The following RNF175 variants were observed in gnomAD, a reference collection of about 807,000 sequenced individuals.
RNF175 encodes the protein ring finger protein 175.
In RNF175, 38 loss-of-function variants were observed where a neutral mutation model predicts 50.0. The observed-to-expected ratio is 0.76, with a 90% confidence interval of 0.59 to 1.00. RNF175 has a LOEUF of 1.00. RNF175 is among the 50% of genes least tolerant of loss of function. The probability of loss-of-function intolerance (pLI) is 0.00; values close to 1 mark genes in which losing one functional copy is unlikely to be tolerated. For synonymous variants in RNF175, 155 were observed against 146.1 expected, an observed-to-expected ratio of 1.06 and a Z score of -0.44; for missense variants, 388 against 409.6, an observed-to-expected ratio of 0.95 and a Z score of 0.46.
intron 1 of RNF175, among the ~76,000 whole-genome samples, chr4:153,753,633 C>T (rs1438793951): frequency 2.0e-5 from 3 of 151,718 alleles, no homozygotes; most frequent in African/African-American, 7.3e-5. Context: ...TCTCAGCTCA[C>T]TGCAACCTCT....
intron 4 of RNF175, among the ~76,000 whole-genome samples, chr4:153,724,655 T>C (rs1738563255): frequency 6.6e-6 from 1 of 152,118 alleles, no homozygotes; most frequent in African/African-American, 2.4e-5. Flanking sequence ...AGATCTATGA[T>C]ATTACTAGCA....
chr4:153,726,969 A>G (rs1738735803), intron 4 of RNF175, among the ~76,000 whole-genome samples: 1 of 152,236 alleles, frequency 6.6e-6, no homozygotes, highest in Non-Finnish European at 1.5e-5. Flanking sequence ...GCATTTGGGT[A>G]TTTCTTGTAA....
chr4:153,720,221 G>A lies in RNF175; in HGVS notation c.593C>T (p.Ala198Val). 1 of 1,613,546 alleles carries A rather than the reference G, an allele frequency of 6.2e-7. No homozygotes were observed. The highest frequency in any genetic ancestry group is 8.5e-7 in the Non-Finnish European group (1 of 1,179,614). ...LYYGVMGRDF[A>V]EICSDYMAST... ...AGCCATGTAGTCTGAGCAGATCTCG[G>A]CAAAGTCTCTCCCCATTACTCCATA... The change falls in exon 6 of 9, where the codon GCC (alanine) becomes GTC (valine). Residue 198 changes from alanine (A) to valine (V), a missense_variant. Coordinates refer to ENST00000347063, the MANE Select transcript of RNF175 (RefSeq NM_173662.4).
At chr4:153,742,354 A>G (rs1430467205) in intron 3 of RNF175, among the ~76,000 whole-genome samples, 1 of 152,188 alleles carries the variant, frequency 6.6e-6, no homozygotes, top group East Asian at 1.9e-4. Flanking sequence ...TTTGAAAAAA[A>G]ACAATTCATT....
chr4:153,738,931 A>C (rs971478909), intron 3 of RNF175, among the ~76,000 whole-genome samples: 1 of 152,198 alleles, frequency 6.6e-6, no homozygotes, highest in Non-Finnish European at 1.5e-5. Context: ...AAATACATCC[A>C]TAACTAATCC....
chr4:153,729,198 G>T (rs1017760254), intron 3 of RNF175, among the ~76,000 whole-genome samples: 3 of 152,174 alleles, frequency 2.0e-5, no homozygotes, highest in African/African-American at 7.2e-5. Context: ...ATGTTTTCTC[G>T]CATTCAGACT....
At chr4:153,720,436 T>C in intron 5 of RNF175, 132 bp from the exon 6 acceptor site, 1 of 687,834 alleles carries the variant, frequency 1.5e-6, no homozygotes, top group Non-Finnish European at 2.4e-6. Context: ...ATGTGTTTGA[T>C]TTTTCTTTTT....
At position 153,748,786 on chromosome 4, in the gene RNF175, G is replaced by A. The variant is rs1740127099; in HGVS notation, c.105C>T (p.Asn35=). ...HTKLSAEDTW[N]LQQERMYKMH... ...TCTTGTACATCCTCTCCTGCTGCAG[G>A]CTGGAACCAGCAAAATGAGGTCATC... is the stretch of plus-strand genomic sequence containing the variant. The change falls in exon 3 of 9, where the codon AAC becomes AAT. Residue 35 remains asparagine (N), a splice_region_variant and synonymous_variant. Coordinates refer to ENST00000347063, the MANE Select transcript of RNF175 (RefSeq NM_173662.4). The A allele has an allele frequency of 6.2e-7, 1 of 1,610,706 alleles. No homozygotes were observed. Among genetic ancestry groups the A allele is most frequent in the African/African-American group, 1.3e-5 (1 of 74,934 alleles).
At chr4:153,721,915 C>T (rs980242790) in intron 5 of RNF175, among the ~76,000 whole-genome samples, 5 of 152,190 alleles carry the variant, frequency 3.3e-5, no homozygotes, top group Non-Finnish European at 5.9e-5. Context: ...CTTTCTACCG[C>T]TTTCCTGCTA....
At chr4:153,757,321 G>C (rs1415468836) in intron 1 of RNF175, among the ~76,000 whole-genome samples, 1 of 152,088 alleles carries the variant, frequency 6.6e-6, no homozygotes, top group Admixed American at 6.5e-5. Context: ...CCTCATGTCT[G>C]GTGCATGGCA....
chr4:153,724,216 G>T (rs1441871650), intron 4 of RNF175, among the ~76,000 whole-genome samples: 1 of 152,172 alleles, frequency 6.6e-6, no homozygotes, highest in East Asian at 1.9e-4. Flanking sequence ...TTCTTCATTG[G>T]CAGTAAAGGC....
intron 6 of RNF175, 99 bp from the exon 7 acceptor site, chr4:153,715,761 G>T: frequency 7.7e-7 from 1 of 1,299,368 alleles, no homozygotes. Flanking sequence ...GGCAGCCCTT[G>T]GCACATAGAA....
intron 3 of RNF175, among the ~76,000 whole-genome samples, chr4:153,735,746 A>AT (rs1017579711): frequency 2.8e-5 from 4 of 144,498 alleles, no homozygotes; most frequent in South Asian, 4.3e-4. Context: ...CTAAGTATTT[A>AT]TTTTTTTTGG....
chr4:153,745,288 T>C (rs28706284), intron 3 of RNF175, among the ~76,000 whole-genome samples: 133 of 152,312 alleles, frequency 8.7e-4, no homozygotes, highest in African/African-American at 3.2e-3. Flanking sequence ...AATCGGAAAC[T>C]CTATGGACAG....
At position 153,752,399 on chromosome 4, in the gene RNF175, G is replaced by A. The variant is rs192782106; in HGVS notation, c.67-924C>T. On this transcript the variant is annotated intron_variant, in intron 1 of 8. Coordinates refer to ENST00000347063, the MANE Select transcript of RNF175 (RefSeq NM_173662.4). ...TGAATATTAGGGACCCACCTGGTGG[G>A]ATCACCTGGGGGCAGGGAGCCATGG... Among the ~76,000 whole-genome samples the A allele has an allele frequency of 3.1e-3, 479 of 152,250 alleles. 3 individuals carry two copies. The highest frequency in any genetic ancestry group is 4.0e-3 in the Non-Finnish European group (273 of 68,022).
chr4:153,737,188 G>A (rs960333525), intron 3 of RNF175, among the ~76,000 whole-genome samples: 2 of 151,576 alleles, frequency 1.3e-5, no homozygotes, highest in African/African-American at 2.4e-5. Context: ...AGTAATTTGT[G>A]TTTTCTCTTT....
chr4:153,759,877 G>A lies in RNF175; in HGVS notation c.-15C>T. ...CCCGCGGCCATGCCTGAGCCACTGT[G>A]CCTTCTCCAGGGCACAGCGCCTGCC... On this transcript the variant is annotated 5_prime_UTR_variant, in exon 1 of 9. Transcript: ENST00000347063. The A allele has an allele frequency of 7.1e-7, 1 of 1,417,012 alleles. No individual in the cohort carries two copies. The highest frequency in any genetic ancestry group is 3.0e-5 in the Admixed American group (1 of 33,426). 87.8% of individuals were successfully genotyped at this position (1,417,012 alleles called of 1,614,324 possible).
At chr4:153,720,488 G>A (rs1738271746) in intron 5 of RNF175, 184 bp from the exon 6 acceptor site, 2 of 525,650 alleles carry the variant, frequency 3.8e-6, no homozygotes, top group South Asian at 2.1e-5. Flanking sequence ...CCCTCAAATT[G>A]TAGCACTCAG....
At chr4:153,724,560 C>T (rs1390231098) in intron 4 of RNF175, among the ~76,000 whole-genome samples, 1 of 152,156 alleles carries the variant, frequency 6.6e-6, no homozygotes, top group Non-Finnish European at 1.5e-5. Context: ...GCCCCACCCT[C>T]TCACCCCCAA....
Sources: gnomAD v4.1 joint callset for allele counts (sites outside exome capture counted in the v4.1 genomes callset) on GRCh38, gnomAD v4.1.1 for gene constraint, MANE v1.5 for transcripts, NCBI Gene and HGNC (gene_info 2026-07-23, HGNC 2026-07-21) for gene names.